Variants in NFRKB observed in about 807,000 individuals in gnomAD.
The protein encoded by NFRKB is nuclear factor related to kappa-B-binding protein.
Under a neutral mutation model 135.7 loss-of-function variants are expected in NFRKB, and 62 were observed. That is an observed-to-expected ratio of 0.46 (90% CI 0.37 to 0.56). The LOEUF is 0.56. Among genes scored for constraint, NFRKB ranks in the 20% least tolerant of loss-of-function variants. The pLI is 0.00. For missense variants in NFRKB, 1,545 were observed against 1,662.0 expected, an observed-to-expected ratio of 0.93 and a Z score of 1.22; for synonymous variants, 678 against 635.6, an observed-to-expected ratio of 1.07 and a Z score of -1.00.
At chr11:129,890,358 G>A (rs1001938528) in intron 3 of NFRKB, among the ~76,000 whole-genome samples, 3 of 152,116 alleles carry the variant, frequency 2.0e-5, no homozygotes, top group African/African-American at 7.2e-5. Context: ...GCGCCTAATA[G>A]AACAAGTGTT....
chr11:129,895,515 C>G lies in NFRKB; in HGVS notation c.-121G>C, dbSNP rs1949732111. Reference sequence around the variant, plus strand: ...CCTCACCTGAACCGCGGGCGCCGGCCCCCTAACCCGCAGCCCTTCTCCGGC... The same window carrying G: ...CCTCACCTGAACCGCGGGCGCCGGCGCCCTAACCCGCAGCCCTTCTCCGGC... On this transcript the variant is annotated 5_prime_UTR_variant, in exon 1 of 27. Transcript: ENST00000682444. 2 of 152,442 alleles carry G rather than the reference C, an allele frequency of 1.3e-5. No individual in the cohort carries two copies. The highest frequency in any genetic ancestry group is 2.9e-5 in the Non-Finnish European group (2 of 68,234). 9.4% of individuals were successfully genotyped at this position (152,442 alleles called of 1,614,324 possible).
chr11:129,880,880 C>T (rs957510843), intron 13 of NFRKB, among the ~76,000 whole-genome samples: 4 of 152,204 alleles, frequency 2.6e-5, no homozygotes, highest in African/African-American at 9.6e-5. Flanking sequence ...CCACTCAGCA[C>T]AGAGAAGTGC....
In NFRKB at chr11:129,888,423, TGTTTTTTAG is replaced by T. The variant is rs1949382432; in HGVS notation, c.337+162_337+170del. On this transcript the variant is annotated intron_variant, in intron 4 of 26. Coordinates refer to ENST00000682444, the MANE Select transcript of NFRKB (RefSeq NM_001143835.2). ...TTTTCTATATAAGTCAATACATTTTTGTTTTTTAGAACACAGCCTAGACAGCAAAGTGTT... is the reference window on the plus strand; with the variant it reads ...TTTTCTATATAAGTCAATACATTTTTAACACAGCCTAGACAGCAAAGTGTT... The T allele has an allele frequency of 5.6e-6, 4 of 716,488 alleles. No homozygotes were observed. The South Asian group carries it at 5.9e-5, about 11-fold the overall frequency. 44.4% of individuals were successfully genotyped at this position (716,488 alleles called of 1,614,324 possible). A position where few individuals can be genotyped will look rare whatever the true frequency, so the allele number is the denominator to read the frequency against.
At position 129,893,081 on chromosome 11, in the gene NFRKB, A is replaced by C. The variant is rs1565429388; in HGVS notation, c.-21-211T>G. The C allele has an allele frequency of 2.3e-5, 32 of 1,417,896 alleles. 1 individual carries two copies. The highest frequency in any genetic ancestry group is 2.7e-5 in the Non-Finnish European group (29 of 1,087,928). 87.8% of individuals were successfully genotyped at this position (1,417,896 alleles called of 1,614,324 possible). ...TCTTACCTGGAAGAGCTCTTTTCTC[A>C]GAATGCTCCTACAGTAACTCCTAAA... is the stretch of plus-strand genomic sequence containing the variant. On this transcript the variant is annotated intron_variant, in intron 2 of 26. Transcript: ENST00000682444.
At chr11:129,875,737 A>G (rs1948736976) in intron 17 of NFRKB, among the ~76,000 whole-genome samples, 2 of 146,834 alleles carry the variant, frequency 1.4e-5, no homozygotes, top group Admixed American at 6.8e-5. Context: ...GCTCACTGCA[A>G]CCTCCACCTC....
chr11:129,873,025 C>A lies in NFRKB; in HGVS notation c.2622G>T (p.Gln874His). 1 of 1,614,178 alleles carries A rather than the reference C, an allele frequency of 6.2e-7. No homozygotes were observed. Among genetic ancestry groups the A allele is most frequent in the Non-Finnish European group, 8.5e-7 (1 of 1,180,028 alleles). Residue 874 changes from glutamine to histidine, a missense_variant, in exon 23 of 27, where the codon CAG (glutamine) becomes CAT (histidine). By Grantham distance (24) the Gln-to-His change is conservative. This residue lies in a region of NFRKB where 753 missense variants were observed against 804.3 expected (regional missense o/e 0.94). Coordinates refer to ENST00000682444, the MANE Select transcript of NFRKB (RefSeq NM_001143835.2). ...GGAGACTTGTCACCGTGAGCCCTGT[C>A]TGCCCGGGTCCAGGCCGCTGCACAG... is the stretch of plus-strand genomic sequence containing the variant. ...AATVQRPGPGQTGLTVTSLPA... is the reference protein window; with the variant it reads ...AATVQRPGPGHTGLTVTSLPA...
intron 10 of NFRKB, 31 bp downstream of exon 10, chr11:129,882,420 G>A (rs1441039760): frequency 6.2e-7 from 1 of 1,607,214 alleles, no homozygotes; most frequent in Non-Finnish European, 8.5e-7. Flanking sequence ...CATTCACCCT[G>A]AGAATTACAG....
At chr11:129,881,530 A>C (rs1565411389) in intron 12 of NFRKB, 22 bp from the exon 13 acceptor site, 2 of 1,614,060 alleles carry the variant, frequency 1.2e-6, no homozygotes, top group Non-Finnish European at 1.7e-6. Context: ...GGACCACATA[A>C]ACAAACCATA....
In NFRKB at chr11:129,888,247, T is replaced by C. The variant is rs1411326850; in HGVS notation, c.337+347A>G. 8.6e-6 allele frequency: 5 copies of C among 579,244 alleles called. No individual in the cohort carries two copies. The East Asian group carries it at 1.4e-4, about 16-fold the overall frequency. 35.9% of individuals were successfully genotyped at this position (579,244 alleles called of 1,614,324 possible). ...AAACACACACACACACGAACCTTGA[T>C]ACGTGCAATAAAGCAAATGGCAAGC... On this transcript the variant is annotated intron_variant, in intron 4 of 26. Coordinates refer to ENST00000682444, the MANE Select transcript of NFRKB (RefSeq NM_001143835.2).
chr11:129,883,786 A>G (rs1045959879), intron 8 of NFRKB, among the ~76,000 whole-genome samples: 2 of 152,144 alleles, frequency 1.3e-5, no homozygotes, highest in African/African-American at 4.8e-5. Flanking sequence ...AGGACCAAGG[A>G]CAAGCTCCCT....
At chr11:129,884,243 C>A in intron 7 of NFRKB, 100 bp from the exon 8 acceptor site, 1 of 1,202,856 alleles carries the variant, frequency 8.3e-7, no homozygotes, top group Non-Finnish European at 1.2e-6. Context: ...TCCCTTCTGA[C>A]ACCTGTGAAC....
Position 129,877,355 on chromosome 11 carries a change from C to A in NFRKB, c.1542G>T (p.Thr514=). The part of the protein sequence containing the change: ...VRTDYVVRPS[T]GEEKRVFQEQ... ...CCTGAAAAACCCGTTTCTCCTCCCC[C>A]GTGCTGGGACGCACCACATAGTCAG... The change falls in exon 16 of 27, where the codon ACG becomes ACT. Residue 514 remains threonine, a synonymous_variant. Coordinates refer to ENST00000682444, the MANE Select transcript of NFRKB (RefSeq NM_001143835.2). The A allele has an allele frequency of 1.9e-6, 3 of 1,614,156 alleles. No individual in the cohort carries two copies. Among genetic ancestry groups the A allele is most frequent in the Middle Eastern group, 1.6e-4 (1 of 6,062 alleles).
intron 23 of NFRKB, chr11:129,872,490 C>T (rs766980899): frequency 5.8e-5 from 10 of 171,478 alleles, no homozygotes; most frequent in East Asian, 1.6e-4. Flanking sequence ...ATACTGCTTA[C>T]GATTCTTTGA....
rs201968721 is a variant in NFRKB at position 129,883,175 on chromosome 11, G to C, written c.848C>G (p.Thr283Ser). The C allele has an allele frequency of 1.8e-4, 291 of 1,614,114 alleles. No homozygotes were observed. In the East Asian group the frequency reaches 6.3e-3, roughly 35 times the overall value. Reference sequence around the variant, plus strand: ...TACTCGAGTCATGATGTCATTGAGAGTCAGGTCCCCTGTCAAAAGGTCCGG... The same window carrying C: ...TACTCGAGTCATGATGTCATTGAGACTCAGGTCCCCTGTCAAAAGGTCCGG... ...DHPDLLTGDL[T>S]LNDIMTRVNA... is the part of the protein sequence containing the mutation. Residue 283 changes from threonine (T) to serine (S), a missense_variant, in exon 9 of 27, where the codon ACT becomes AGT. By Grantham distance (58) the Thr-to-Ser change is moderately conservative. This residue lies in a region of NFRKB where 678 missense variants were observed against 646.7 expected (regional missense o/e 1.05). Transcript: ENST00000682444.
intron 13 of NFRKB, among the ~76,000 whole-genome samples, chr11:129,879,367 G>T (rs1948921521): frequency 6.6e-6 from 1 of 152,142 alleles, no homozygotes; most frequent in African/African-American, 2.4e-5. Context: ...GCCAGGCCCA[G>T]GTATATGTGC....
At chr11:129,889,963 T>TGC (rs1444160642) in intron 3 of NFRKB, among the ~76,000 whole-genome samples, 2 of 150,460 alleles carry the variant, frequency 1.3e-5, no homozygotes, top group African/African-American at 4.9e-5. Context: ...TGTGTGTGTG[T>TGC]GTGTGTGTGT....
In NFRKB at chr11:129,881,431, C is replaced by G. The variant is rs778718392; in HGVS notation, c.1384+12G>C. ...CGAAAACCTGTTGGGGTAGGTAATA[C>G]GGATCACTTACCAAGCAACTTCCAC... On this transcript the variant is annotated intron_variant, in intron 13 of 26. Coordinates refer to ENST00000682444, the MANE Select transcript of NFRKB (RefSeq NM_001143835.2). The G allele has an allele frequency of 3.7e-6, 6 of 1,613,558 alleles. No homozygotes were observed. Among genetic ancestry groups the G allele is most frequent in the Middle Eastern group, 3.3e-4 (2 of 6,062 alleles).
intron 3 of NFRKB, among the ~76,000 whole-genome samples, chr11:129,890,443 C>T (rs984202692): frequency 3.9e-5 from 6 of 152,164 alleles, no homozygotes; most frequent in Admixed American, 3.9e-4. Flanking sequence ...GAAGTATATA[C>T]ACCAACTGCA....
At chr11:129,890,955 T>C (rs1054643853) in intron 3 of NFRKB, among the ~76,000 whole-genome samples, 1 of 152,264 alleles carries the variant, frequency 6.6e-6, no homozygotes, top group Non-Finnish European at 1.5e-5. Flanking sequence ...TTTCTATTAG[T>C]AAGTGGTCTT....
Sources: gnomAD v4.1 joint callset for allele counts (sites outside exome capture counted in the v4.1 genomes callset) on GRCh38, gnomAD v4.1.1 for gene constraint, gnomAD v4.1.1 regional missense constraint, MANE v1.5 for transcripts, NCBI Gene and HGNC (gene_info 2026-07-23, HGNC 2026-07-21) for gene names.